The following CHRNB4 variants were observed in gnomAD, a reference collection of about 807,000 sequenced individuals.
CHRNB4 encodes the protein cholinergic receptor nicotinic beta 4 subunit.
A neutral mutation model predicts 40.4 loss-of-function variants in CHRNB4; 23 were observed. The ratio of observed to expected loss-of-function variants is 0.57; its 90% CI spans 0.41 to 0.81. The LOEUF is 0.81. Ranked by LOEUF, CHRNB4 falls within the 30% of genes least tolerant of loss-of-function variation. The pLI is 0.00. For synonymous variants in CHRNB4, 285 were observed against 274.4 expected (o/e 1.04, Z -0.38); for missense variants, 568 against 670.6 (o/e 0.85, Z 1.69).
chr15:78,649,499 A>G (rs1261798537), intron 6 of CHRNB4: 2 of 432,934 alleles, frequency 4.6e-6, no homozygotes. Context: ...AAATAAAACA[A>G]TGCAAAGCAA....
chr15:78,639,543 C>T (rs1193918808), intron 1 of CHRNB4, among the ~76,000 whole-genome samples: 2 of 152,170 alleles, frequency 1.3e-5, no homozygotes, highest in African/African-American at 4.8e-5. Context: ...CGTGATCCGC[C>T]CGCCTCTGCC....
At chr15:78,653,018 G>A (rs560370702) in intron 5 of CHRNB4, among the ~76,000 whole-genome samples, 1 of 152,294 alleles carries the variant, frequency 6.6e-6, no homozygotes, top group East Asian at 1.9e-4. Context: ...TATAAAAAGA[G>A]GGTGATAGTT....
At position 78,625,037 on chromosome 15, in the gene CHRNB4, T is replaced by G. The variant is rs748753717; in HGVS notation, c.*96A>C. On this transcript the variant is annotated 3_prime_UTR_variant, in exon 6 of 6. Coordinates refer to ENST00000261751, the MANE Select transcript of CHRNB4 (RefSeq NM_000750.5). ...ATGGGGTTGATGGCCAATGCTCACATATTTACTTAGGGCCTCATCAGCCAC... is the reference window on the plus strand; with the variant it reads ...ATGGGGTTGATGGCCAATGCTCACAGATTTACTTAGGGCCTCATCAGCCAC... The G allele has an allele frequency of 6.2e-7, 1 of 1,604,806 alleles. No homozygotes were observed. Among genetic ancestry groups the G allele is most frequent in the South Asian group, 1.1e-5 (1 of 91,086 alleles).
chr15:78,624,794 T>C lies in CHRNB4; in HGVS notation c.*339A>G, dbSNP rs1034470832. Reference sequence around the variant, plus strand: ...CTGGACAAGGGGAAGTGGAGAGAGATGGTGATGGAGAGGCAGGCCGGCACC... The same window carrying C: ...CTGGACAAGGGGAAGTGGAGAGAGACGGTGATGGAGAGGCAGGCCGGCACC... On this transcript the variant is annotated 3_prime_UTR_variant, in exon 6 of 6. Transcript: ENST00000261751. 1.8e-6 allele frequency: 1 copy of C among 559,374 alleles called. No homozygotes were observed. Among genetic ancestry groups the C allele is most frequent in the Non-Finnish European group, 3.1e-6 (1 of 326,188 alleles). 34.7% of individuals were successfully genotyped at this position (559,374 alleles called of 1,614,324 possible). A position where few individuals can be genotyped will look rare whatever the true frequency, so the allele number is the denominator to read the frequency against.
At chr15:78,640,185 A>G (rs749973307) in intron 1 of CHRNB4, among the ~76,000 whole-genome samples, 1 of 152,124 alleles carries the variant, frequency 6.6e-6, no homozygotes, top group Non-Finnish European at 1.5e-5. Context: ...TGCCTCCCCT[A>G]TGGTGGGTCT....
chr15:78,641,222 C>T, upstream of CHRNB4: 1 of 1,243,474 alleles, frequency 8.0e-7, no homozygotes, highest in Non-Finnish European at 1.1e-6. Context: ...AGCGCCGGTC[C>T]TGGCCCCCGA....
At chr15:78,641,278 C>G (rs2054070498), upstream of CHRNB4, 1 of 639,232 alleles carries the variant, frequency 1.6e-6, no homozygotes, top group Non-Finnish European at 2.4e-6. Flanking sequence ...CGGAGAGCCC[C>G]GCCGAGCCCC....
chr15:78,659,934 CG>C (rs1271669182), intron 1 of CHRNB4, among the ~76,000 whole-genome samples: 2 of 151,886 alleles, frequency 1.3e-5, no homozygotes, highest in Admixed American at 1.3e-4. Flanking sequence ...ATGATGGGTG[CG>C]GTGGCTCATG....
chr15:78,628,602 C>T (rs1267667566), intron 5 of CHRNB4, among the ~76,000 whole-genome samples: 1 of 152,122 alleles, frequency 6.6e-6, no homozygotes, highest in African/African-American at 2.4e-5. Flanking sequence ...TGCAAGGGTA[C>T]TGAGTCCCGG....
intron 6 of CHRNB4, among the ~76,000 whole-genome samples, chr15:78,652,158 A>G (rs935302563): frequency 2.0e-5 from 3 of 152,196 alleles, no homozygotes; most frequent in African/African-American, 7.2e-5. Flanking sequence ...CAGGAGGTGG[A>G]GCAGTAATTC....
At chr15:78,642,291 T>G (rs1168135741), upstream of CHRNB4, among the ~76,000 whole-genome samples, 2 of 152,246 alleles carry the variant, frequency 1.3e-5, no homozygotes, top group African/African-American at 4.8e-5. Flanking sequence ...GCATCCTCTC[T>G]TCTCCAAACT....
At chr15:78,648,732 C>A (rs555159268) in intron 7 of CHRNB4, among the ~76,000 whole-genome samples, 1 of 132,026 alleles carries the variant, frequency 7.6e-6, no homozygotes, top group Non-Finnish European at 1.5e-5. Flanking sequence ...CCAGCCTGGG[C>A]GACAGAGTGA....
intron 2 of CHRNB4, among the ~76,000 whole-genome samples, chr15:78,632,048 TTC>T (rs1938024187): frequency 6.6e-6 from 1 of 152,150 alleles, no homozygotes; most frequent in Admixed American, 6.5e-5. Context: ...CCACACTTTA[TTC>T]TGTTATCAGA....
chr15:78,653,510 G>A (rs1049674976), intron 5 of CHRNB4, among the ~76,000 whole-genome samples: 1 of 152,186 alleles, frequency 6.6e-6, no homozygotes, highest in South Asian at 2.1e-4. Flanking sequence ...GGCAAAGGCT[G>A]GCAGTGCTGG....
At chr15:78,632,692 T>A (rs1175405086) in intron 2 of CHRNB4, among the ~76,000 whole-genome samples, 1 of 152,060 alleles carries the variant, frequency 6.6e-6, no homozygotes, top group Non-Finnish European at 1.5e-5. Flanking sequence ...CCCACTAGAA[T>A]CTAATGGCTA....
chr15:78,646,169 T>G (rs2054121703), upstream of CHRNB4, among the ~76,000 whole-genome samples: 1 of 151,918 alleles, frequency 6.6e-6, no homozygotes, highest in Non-Finnish European at 1.5e-5. Flanking sequence ...TTGAGGGGGA[T>G]GTACAAATTG....
chr15:78,656,917 G>A (rs2054218708), intron 3 of CHRNB4, among the ~76,000 whole-genome samples: 1 of 152,178 alleles, frequency 6.6e-6, no homozygotes, highest in African/African-American at 2.4e-5. Context: ...AATATCTTCT[G>A]TACATTGGAG....
At chr15:78,648,753 C>CA (rs35846146) in intron 7 of CHRNB4, among the ~76,000 whole-genome samples, 4,041 of 79,738 alleles carry the variant, frequency 0.051, 120 homozygotes, top group Middle Eastern at 0.07. Context: ...GACTCTGTCT[C>CA]AAAAAAAAAA....
rs1596117746 is a variant in CHRNB4 at position 78,640,606 on chromosome 15, C to T, written c.55+473G>A. On this transcript the variant is annotated intron_variant, in intron 1 of 5. Coordinates refer to ENST00000261751, the MANE Select transcript of CHRNB4 (RefSeq NM_000750.5). ...GAGGGGACTTCTCTCTAAGGCTGAG[C>T]AGCAGATTCGCTCCCAAGCGCCTAC... is the stretch of plus-strand genomic sequence containing the variant. Among the ~76,000 whole-genome samples the T allele has an allele frequency of 2.6e-5, 4 of 152,368 alleles. No individual in the cohort carries two copies. In the East Asian group the frequency reaches 7.7e-4, roughly 29 times the overall value.
Sources: allele counts gnomAD v4.1 joint callset (sites outside exome capture counted in the v4.1 genomes callset), GRCh38; gene constraint gnomAD v4.1.1; transcripts MANE v1.5; gene names NCBI Gene and HGNC (gene_info 2026-07-23, HGNC 2026-07-21).